The following TSPAN9 variants were observed in gnomAD, a reference collection of about 807,000 sequenced individuals.
The protein encoded by TSPAN9 is tetraspanin 9.
In TSPAN9, 16 loss-of-function variants were observed where a neutral mutation model predicts 31.0. The observed-to-expected ratio is 0.52, with a 90% CI of 0.35 to 0.78. The LOEUF is 0.78. Ranked by LOEUF, TSPAN9 falls within the 30% of genes least tolerant of loss-of-function variation. The pLI is 0.01. For missense variants in TSPAN9, 272 were observed against 312.5 expected (o/e 0.87, Z 0.98); for synonymous variants, 145 against 121.6 (o/e 1.19, Z -1.27).
At chr12:3,112,240 C>T (rs1317335499) in intron 2 of TSPAN9, among the ~76,000 whole-genome samples, 5 of 149,098 alleles carry the variant, frequency 3.4e-5, no homozygotes, top group East Asian at 3.9e-4. Context: ...TACAATGGCA[C>T]GATCTCGGCT....
chr12:3,105,804 GCGCACACA>G (rs745987548), intron 2 of TSPAN9, among the ~76,000 whole-genome samples: 3 of 113,522 alleles, frequency 2.6e-5, no homozygotes, highest in African/African-American at 8.3e-5. Flanking sequence ...ACGCACACAT[GCGCACACA>G]CGCACACGCG....
At chr12:3,279,980 T>C (rs994831860) in intron 5 of TSPAN9, among the ~76,000 whole-genome samples, 1 of 148,302 alleles carries the variant, frequency 6.7e-6, no homozygotes, top group Non-Finnish European at 1.5e-5. Flanking sequence ...TCCCAGGGTG[T>C]GTTTTGAGAG....
Position 3,247,313 on chromosome 12 carries a change from GCC to G in TSPAN9, c.64-31107_64-31106del, listed in dbSNP as rs1222009904. Among the ~76,000 whole-genome samples, 26 of 32,710 alleles carry G rather than the reference GCC, an allele frequency of 7.9e-4. No individual in the cohort carries two copies. The East Asian group carries it at 0.013, about 17-fold the overall frequency. The allele number at this position is 32,710 out of a possible 152,430, so 21.5% of individuals were successfully genotyped here. The stretch of plus-strand genomic sequence containing the variant: ...ATTACTGGCCAGCCCCCCCCCCCCC[GCC>G]ACCCGCGTCCCCAAGTAGAGTGAGT... On this transcript the variant is annotated intron_variant, in intron 3 of 8. Transcript: ENST00000011898.
chr12:3,228,585 G>A (rs930950304), intron 3 of TSPAN9, among the ~76,000 whole-genome samples: 1 of 152,240 alleles, frequency 6.6e-6, no homozygotes, highest in African/African-American at 2.4e-5. Flanking sequence ...AGGCCTAGAA[G>A]TGAGTGCTCC....
intron 3 of TSPAN9, among the ~76,000 whole-genome samples, chr12:3,201,867 A>G (rs1313531829): frequency 6.6e-6 from 1 of 152,150 alleles, no homozygotes; most frequent in African/African-American, 2.4e-5. Flanking sequence ...TGGGTGGGAA[A>G]GGAGGGGTGT....
Position 3,201,103 on chromosome 12 carries a change from C to G in TSPAN9, c.-17-74C>G, listed in dbSNP as rs1006622829. The G allele has an allele frequency of 2.2e-6, 3 of 1,380,516 alleles. No homozygotes were observed. In the African/African-American group the frequency reaches 4.3e-5, roughly 20 times the overall value. 85.5% of individuals were successfully genotyped at this position (1,380,516 alleles called of 1,614,324 possible). On this transcript the variant is annotated intron_variant, in intron 2 of 8. Transcript: ENST00000011898. ...GCCGCGCCGAGGCCGGCGTTAAGAC[C>G]GACAAGTGCAATGCACCCAAAGGCA... is the stretch of plus-strand genomic sequence containing the variant.
intron 2 of TSPAN9, among the ~76,000 whole-genome samples, chr12:3,115,778 C>T (rs924803753): frequency 8.5e-5 from 13 of 152,184 alleles, no homozygotes; most frequent in African/African-American, 3.1e-4. Flanking sequence ...AGGATTTCAA[C>T]ATGAGAATAT....
intron 2 of TSPAN9, among the ~76,000 whole-genome samples, chr12:3,198,881 G>GCCACCACCAGCACAGC (rs2098369451): frequency 2.0e-5 from 3 of 148,940 alleles, no homozygotes; most frequent in Admixed American, 2.0e-4. Flanking sequence ...ACCAGCACAG[G>GCCACCACCAGCACAGC]TCACCATCAG....
chr12:3,136,697 C>T (rs1465957194), intron 2 of TSPAN9, among the ~76,000 whole-genome samples: 4 of 152,168 alleles, frequency 2.6e-5, no homozygotes, highest in African/African-American at 9.7e-5. Flanking sequence ...AAGAGGAACA[C>T]ATGTTCAGGT....
At chr12:3,269,535 T>G in intron 3 of TSPAN9, among the ~76,000 whole-genome samples, 1 of 135,394 alleles carries the variant, frequency 7.4e-6, no homozygotes, top group East Asian at 2.4e-4. Flanking sequence ...CCTCCGTGCG[T>G]TCCTGCAGCC....
At chr12:3,265,828 A>G (rs1341379561) in intron 3 of TSPAN9, among the ~76,000 whole-genome samples, 1 of 152,252 alleles carries the variant, frequency 6.6e-6, no homozygotes, top group Admixed American at 6.5e-5. Flanking sequence ...CACAAGGGTC[A>G]TAGCAAATTG....
Position 3,201,268 on chromosome 12 carries a change from C to A in TSPAN9, c.63+12C>A, listed in dbSNP as rs1345604854. ...ATTTGATATTCTGGGTAAGTCCTTC[C>A]GTTTCTCTCTCCCTTCGCCCTCTTC... is the stretch of plus-strand genomic sequence containing the variant. On this transcript the variant is annotated intron_variant, in intron 3 of 8. Transcript: ENST00000011898. The A allele has an allele frequency of 6.2e-7, 1 of 1,613,394 alleles. No individual in the cohort carries two copies. The highest frequency in any genetic ancestry group is 1.3e-5 in the African/African-American group (1 of 75,026).
chr12:3,211,974 CTTTCT>C, intron 3 of TSPAN9: 1 of 969,034 alleles, frequency 1.0e-6, no homozygotes. Flanking sequence ...CTTTGTATTT[CTTTCT>C]TTTATTTTTT....
At chr12:3,242,140 C>T (rs1314075657) in intron 3 of TSPAN9, among the ~76,000 whole-genome samples, 2 of 152,220 alleles carry the variant, frequency 1.3e-5, no homozygotes, top group Non-Finnish European at 2.9e-5. Context: ...CTGGGGGTGA[C>T]ATTATTCTTA....
intron 3 of TSPAN9, among the ~76,000 whole-genome samples, chr12:3,252,870 G>T (rs1175880635): frequency 6.6e-6 from 1 of 152,224 alleles, no homozygotes; most frequent in Non-Finnish European, 1.5e-5. Flanking sequence ...ACATCTGTTA[G>T]GGGGAGGGGG....
rs532509747 is a variant in TSPAN9, at chr12:3,170,232, T to C, written c.-17-30945T>C. Among the ~76,000 whole-genome samples, 1 of 152,274 alleles carries C rather than the reference T, an allele frequency of 6.6e-6. No individual in the cohort carries two copies. The highest frequency in any genetic ancestry group is 2.1e-4 in the South Asian group (1 of 4,826). ...ATTTCTCTCCCATCCATCTCGTTTA[T>C]GGTGTTTACAGGGAATATTCTGCAC... On this transcript the variant is annotated intron_variant, in intron 2 of 8. Coordinates refer to ENST00000011898, the MANE Select transcript of TSPAN9 (RefSeq NM_006675.5). The surrounding 1 kb of genome is among the most constrained non-coding windows in gnomAD (Gnocchi z 4.4).
rs1353615069 is a variant in TSPAN9 at position 3,285,687 on chromosome 12, C to T, written c.*2571C>T. ...ACTGTGATCTCACTGGGGTAGAATT[C>T]CCCTGAGAGAATTCCCTCACTCACG... On this transcript the variant is annotated 3_prime_UTR_variant, in exon 9 of 9. Transcript: ENST00000011898. 4 of 152,214 alleles carry T rather than the reference C, an allele frequency of 2.6e-5. No homozygotes were observed. The highest frequency in any genetic ancestry group is 5.9e-5 in the Non-Finnish European group (4 of 68,044). The allele number at this position is 152,214 out of a possible 1,614,324, so 9.4% of individuals were successfully genotyped here. A position where few individuals can be genotyped will look rare whatever the true frequency, so the allele number is the denominator to read the frequency against.
intron 2 of TSPAN9, among the ~76,000 whole-genome samples, chr12:3,127,254 T>C (rs1291080099): frequency 6.6e-6 from 1 of 152,098 alleles, no homozygotes; most frequent in African/African-American, 2.4e-5. Context: ...CTGGAAGGTC[T>C]TCAGGGGCAA....
intron 2 of TSPAN9, among the ~76,000 whole-genome samples, chr12:3,154,056 C>T (rs1472150653): frequency 1.3e-5 from 2 of 151,572 alleles, no homozygotes; most frequent in Admixed American, 1.3e-4. Flanking sequence ...GGATGTATCT[C>T]TATCTGTTTC....
Sources: gnomAD v4.1 joint callset for allele counts (sites outside exome capture counted in the v4.1 genomes callset) on GRCh38, gnomAD v4.1.1 for gene constraint, Gnocchi (gnomAD v3.1) non-coding constraint, MANE v1.5 for transcripts, NCBI Gene and HGNC (gene_info 2026-07-23, HGNC 2026-07-21) for gene names.